The following OPHN1 variants were observed in gnomAD, a reference collection of about 807,000 sequenced individuals.
The protein encoded by OPHN1 is oligophrenin-1.
Under a neutral mutation model 60.7 loss-of-function variants are expected in OPHN1, and 11 were observed. The observed-to-expected ratio is 0.18, with a 90% CI of 0.11 to 0.30. OPHN1 has a LOEUF of 0.30. Ranked by LOEUF, OPHN1 falls within the 10% of genes least tolerant of loss-of-function variation. The pLI is 1.00. For missense variants in OPHN1, 449 were observed against 611.0 expected, an observed-to-expected ratio of 0.73 and a Z score of 2.80; for synonymous variants, 226 against 222.6, an observed-to-expected ratio of 1.02 and a Z score of -0.14.
intron 2 of OPHN1, among the ~76,000 whole-genome samples, chrX:68,322,659 T>G (rs1177199829): frequency 1.8e-5 from 2 of 111,020 alleles, no homozygotes; most frequent in Non-Finnish European, 3.8e-5. Context: ...TGGTGGTGTG[T>G]GCGTGTAATC....
rs1351378055 is a variant in OPHN1 at position 68,071,244 on chromosome X, T to C, written c.1834+1908A>G. The stretch of plus-strand genomic sequence containing the variant: ...CAGCCTTCTGTGGCAGACTGACTCC[T>C]ACCATGGAGCTGTGGGCTCTGTGAG... On this transcript the variant is annotated intron_variant, in intron 20 of 24. Coordinates refer to ENST00000355520, the MANE Select transcript of OPHN1 (RefSeq NM_002547.3). 8.7e-5 allele frequency: 58 copies of C among 667,889 alleles called. No individual in the cohort carries two copies. The Admixed American group carries it at 1.2e-3, about 14-fold the overall frequency. The allele number at this position is 667,889 out of a possible 1,213,427, so 55.0% of individuals were successfully genotyped here. A position where few individuals can be genotyped will look rare whatever the true frequency, so the allele number is the denominator to read the frequency against.
intron 2 of OPHN1, among the ~76,000 whole-genome samples, chrX:68,402,387 AAGAAGAGAAG>A (rs60621715): frequency 1.9e-5 from 2 of 105,302 alleles, no homozygotes; most frequent in Non-Finnish European, 3.9e-5. Flanking sequence ...AGAAGAGAGA[AAGAAGAGAAG>A]AGAAGAGAAG....
intron 4 of OPHN1, among the ~76,000 whole-genome samples, chrX:68,280,123 G>A (rs149780164): frequency 4.3e-4 from 48 of 111,523 alleles, no homozygotes; most frequent in Admixed American, 1.0e-3. Context: ...AGAGGGTCCA[G>A]GGAAACCACA....
intron 18 of OPHN1, among the ~76,000 whole-genome samples, chrX:68,104,719 A>G (rs1377406885): frequency 1.8e-5 from 2 of 112,083 alleles, no homozygotes; most frequent in African/African-American, 3.2e-5. Flanking sequence ...AGATAAAAAC[A>G]TAGGCAATAC....
chrX:68,168,584 A>G (rs2077372057), intron 15 of OPHN1, among the ~76,000 whole-genome samples: 1 of 105,086 alleles, frequency 9.5e-6, no homozygotes, highest in African/African-American at 3.5e-5. Flanking sequence ...TAACATCACA[A>G]TTAAAAGAAC....
At chrX:68,423,018 C>CT (rs1228117590) in intron 2 of OPHN1, among the ~76,000 whole-genome samples, 3,901 of 25,300 alleles carry the variant, frequency 0.15, 246 homozygotes, top group African/African-American at 0.22. Context: ...ATGTAGCTTT[C>CT]TTTTTTTTTT....
intron 5 of OPHN1, among the ~76,000 whole-genome samples, chrX:68,252,431 C>A (rs2077840744): frequency 8.9e-6 from 1 of 111,830 alleles, no homozygotes; most frequent in African/African-American, 3.3e-5. Context: ...TATCATCAGG[C>A]AACATCATCT....
chrX:68,236,401 T>C (rs2077753178), intron 5 of OPHN1, among the ~76,000 whole-genome samples: 1 of 112,504 alleles, frequency 8.9e-6, no homozygotes, highest in South Asian at 3.7e-4. Context: ...AACTGAAATA[T>C]AATTCTCATA....
chrX:68,173,946 T>C (rs967716862), intron 15 of OPHN1, among the ~76,000 whole-genome samples: 70 of 111,878 alleles, frequency 6.3e-4, no homozygotes, highest in African/African-American at 2.2e-3. Context: ...TTTGGTGGGA[T>C]TGTGATGGGA....
chrX:68,170,171 A>T (rs1259352025), intron 15 of OPHN1, among the ~76,000 whole-genome samples: 1 of 109,405 alleles, frequency 9.1e-6, no homozygotes, highest in Non-Finnish European at 1.9e-5. Flanking sequence ...GCCAAAAAAC[A>T]CATGAAAAAA....
intron 21 of OPHN1, among the ~76,000 whole-genome samples, chrX:68,056,068 G>T (rs962208197): frequency 9.0e-6 from 1 of 110,541 alleles, no homozygotes; most frequent in Admixed American, 9.7e-5. Flanking sequence ...AAACCTGCAC[G>T]TTGTACACAT....
At position 68,214,166 on chromosome X, in the gene OPHN1, C is replaced by G. The variant is rs878971618; in HGVS notation, c.487-194G>C. 3.6e-5 allele frequency among the ~76,000 whole-genome samples: 4 copies of G among 111,849 alleles called. No homozygotes were observed. In the South Asian group the frequency reaches 1.5e-3, roughly 42 times the overall value. ...CTGATACAGGATTCCAGTTTCTGGT[C>G]CAACACATAAAAAGCTTGAAGTCAT... On this transcript the variant is annotated intron_variant, in intron 6 of 24. Coordinates refer to ENST00000355520, the MANE Select transcript of OPHN1 (RefSeq NM_002547.3).
chrX:68,188,705 G>C (rs1268537540), intron 15 of OPHN1, among the ~76,000 whole-genome samples: 1 of 111,358 alleles, frequency 9.0e-6, no homozygotes, highest in Non-Finnish European at 1.9e-5. Flanking sequence ...ATTTGCTAGG[G>C]GACTCTGAAT....
chrX:68,164,408 A>G (rs1273879855), intron 15 of OPHN1, among the ~76,000 whole-genome samples: 8 of 112,398 alleles, frequency 7.1e-5, no homozygotes, highest in Non-Finnish European at 7.5e-5. Flanking sequence ...AGGAGGCAGG[A>G]AAACAACGTT....
At chrX:68,328,748 A>T (rs1454238879) in intron 2 of OPHN1, among the ~76,000 whole-genome samples, 1 of 111,831 alleles carries the variant, frequency 8.9e-6, no homozygotes. Context: ...CCCAAAAGAA[A>T]AATGGGCAAA....
At position 68,206,615 on chromosome X, in the gene OPHN1, T is replaced by C. The variant is rs1263235791; in HGVS notation, c.891A>G (p.Thr297=). Residue 297 remains threonine (T), a synonymous_variant, in exon 10 of 25, where the codon ACA becomes ACG. Transcript: ENST00000355520. ...TCTGCTCCATAGGCGTCATGGTCAG[T>C]GTTTTGGTCTCTTTCTCATACTGGC... ...YYCQYEKETK[T]LTMTPMEQKP... 3 of 1,211,009 alleles carry C rather than the reference T, an allele frequency of 2.5e-6. No individual in the cohort carries two copies. Among genetic ancestry groups the C allele is most frequent in the Admixed American group, 4.3e-5 (2 of 46,078 alleles).
At chrX:68,367,358 A>G (rs1242037729) in intron 2 of OPHN1, among the ~76,000 whole-genome samples, 29 of 104,501 alleles carry the variant, frequency 2.8e-4, no homozygotes, top group Non-Finnish European at 5.7e-4. Flanking sequence ...TGTCTCGGGA[A>G]AAAAAAAAAA....
chrX:68,369,218 C>A (rs2078514822), intron 2 of OPHN1, among the ~76,000 whole-genome samples: 1 of 109,084 alleles, frequency 9.2e-6, no homozygotes, highest in African/African-American at 3.3e-5. Context: ...AAAAAAAAAT[C>A]TAGTCATCTC....
chrX:68,426,697 T>G (rs2078859584), intron 2 of OPHN1, among the ~76,000 whole-genome samples: 1 of 10,654 alleles, frequency 9.4e-5, no homozygotes, highest in African/African-American at 1.4e-4. Context: ...ACCGCATCTC[T>G]CCAAAAAAAA....
Sources: allele counts gnomAD v4.1 joint callset (sites outside exome capture counted in the v4.1 genomes callset), GRCh38; gene constraint gnomAD v4.1.1; transcripts MANE v1.5; gene names NCBI Gene and HGNC (gene_info 2026-07-23, HGNC 2026-07-21).